The following AKAP6 variants were observed in gnomAD, a reference collection of about 807,000 sequenced individuals.
AKAP6 encodes the protein A-kinase anchor protein 6.
A neutral mutation model predicts 188.5 loss-of-function variants in AKAP6; 58 were observed. That is an observed-to-expected ratio of 0.31 (90% CI 0.25 to 0.38). AKAP6 has a LOEUF of 0.38. AKAP6 is among the 10% of genes least tolerant of loss of function. The probability of loss-of-function intolerance (pLI) is 1.00; values close to 1 mark genes in which losing one functional copy is unlikely to be tolerated. For missense variants in AKAP6, 2,710 were observed against 2,740.0 expected (o/e 0.99, Z 0.24); for synonymous variants, 989 against 998.6 (o/e 0.99, Z 0.18).
intron 9 of AKAP6, among the ~76,000 whole-genome samples, chr14:32,699,884 G>A (rs909293454): frequency 6.6e-6 from 1 of 152,202 alleles, no homozygotes; most frequent in Non-Finnish European, 1.5e-5. Context: ...TGAAAGTTCA[G>A]CTCCTATTTG....
chr14:32,506,086 T>C (rs149530626), intron 2 of AKAP6, among the ~76,000 whole-genome samples: 1,783 of 152,154 alleles, frequency 0.012, 41 homozygotes, highest in Admixed American at 0.048. Context: ...GAGGTTGCAG[T>C]GAGCCAAGAT....
chr14:32,586,264 C>G (rs1452226807), intron 5 of AKAP6, among the ~76,000 whole-genome samples: 1 of 152,058 alleles, frequency 6.6e-6, no homozygotes. Flanking sequence ...ACTCATGTTC[C>G]CATTGATTCT....
At chr14:32,555,792 A>G (rs927068905) in intron 4 of AKAP6, among the ~76,000 whole-genome samples, 3 of 152,162 alleles carry the variant, frequency 2.0e-5, no homozygotes, top group Non-Finnish European at 2.9e-5. Flanking sequence ...TTTAGGGCTG[A>G]ATAATATTCT....
chr14:32,553,704 A>G (rs1883578512), intron 4 of AKAP6, among the ~76,000 whole-genome samples: 2 of 152,204 alleles, frequency 1.3e-5, no homozygotes, highest in Non-Finnish European at 2.9e-5. Flanking sequence ...ATATTTTTAA[A>G]ACTGGGGAAT....
At chr14:32,683,016 C>A (rs1430851498) in intron 8 of AKAP6, among the ~76,000 whole-genome samples, 1 of 92,670 alleles carries the variant, frequency 1.1e-5, no homozygotes, top group African/African-American at 5.3e-5. Flanking sequence ...GTTTTTGAGA[C>A]AAAGCCTTGC....
At chr14:32,389,200 T>C (rs541945760) in intron 1 of AKAP6, among the ~76,000 whole-genome samples, 154 of 152,286 alleles carry the variant, frequency 1.0e-3, no homozygotes, top group Admixed American at 1.9e-3. Flanking sequence ...GAAATGTCTT[T>C]TTCCACCCCT....
chr14:32,688,915 T>C (rs1890046580), intron 8 of AKAP6, among the ~76,000 whole-genome samples: 1 of 152,180 alleles, frequency 6.6e-6, no homozygotes, highest in African/African-American at 2.4e-5. Flanking sequence ...AGGTTGTTGA[T>C]ATATTGCCTA....
At chr14:32,736,042 C>T (rs565823449) in intron 11 of AKAP6, among the ~76,000 whole-genome samples, 160 bp downstream of exon 11, 1 of 152,232 alleles carries the variant, frequency 6.6e-6, no homozygotes, top group Middle Eastern at 3.4e-3. Flanking sequence ...TTATATGTCT[C>T]TATGTGTATA....
chr14:32,710,459 G>A (rs1157301203), intron 9 of AKAP6, among the ~76,000 whole-genome samples: 2 of 152,058 alleles, frequency 1.3e-5, no homozygotes, highest in Admixed American at 6.6e-5. Flanking sequence ...TAAAAGAAGT[G>A]ATGGAGAAAA....
chr14:32,407,933 A>G (rs544102208), intron 1 of AKAP6, among the ~76,000 whole-genome samples: 2 of 152,336 alleles, frequency 1.3e-5, no homozygotes, highest in East Asian at 3.9e-4. Context: ...GGCACAGCAA[A>G]GAGTTTCCTT....
intron 11 of AKAP6, among the ~76,000 whole-genome samples, chr14:32,753,869 G>A (rs1955506): frequency 1 from 151,805 of 152,192 alleles, 75,711 homozygotes; most frequent in Middle Eastern, 1. Context: ...CTTCTGTTCA[G>A]TTGGACTACA....
intron 8 of AKAP6, among the ~76,000 whole-genome samples, chr14:32,692,598 C>T (rs958658943): frequency 3.9e-5 from 6 of 152,112 alleles, no homozygotes; most frequent in Non-Finnish European, 7.4e-5. Context: ...TGGTCTTTGG[C>T]GATGAGATAC....
intron 11 of AKAP6, among the ~76,000 whole-genome samples, chr14:32,760,259 A>G (rs1407050006): frequency 6.6e-6 from 1 of 152,252 alleles, no homozygotes; most frequent in Admixed American, 6.5e-5. Context: ...TGTGAGAGAT[A>G]TTCAAAATTG....
chr14:32,348,433 TTTA>T (rs1887147607), intron 1 of AKAP6, among the ~76,000 whole-genome samples: 3 of 147,682 alleles, frequency 2.0e-5, no homozygotes, highest in Non-Finnish European at 4.4e-5. Flanking sequence ...TTTTTTTTTT[TTTA>T]AGAGTTTTGC....
At chr14:32,644,936 G>C (rs959772488) in intron 7 of AKAP6, among the ~76,000 whole-genome samples, 2 of 151,870 alleles carry the variant, frequency 1.3e-5, no homozygotes, top group African/African-American at 4.8e-5. Flanking sequence ...CAGACTAACG[G>C]GTATATATAC....
chr14:32,704,127 A>T (rs1032283281), intron 9 of AKAP6, among the ~76,000 whole-genome samples: 1 of 152,162 alleles, frequency 6.6e-6, no homozygotes, highest in South Asian at 2.1e-4. Context: ...GCTTGGTTTC[A>T]GGGTAATAAG....
intron 4 of AKAP6, among the ~76,000 whole-genome samples, chr14:32,555,977 T>C (rs1163443613): frequency 1.3e-5 from 2 of 150,472 alleles, no homozygotes; most frequent in Non-Finnish European, 2.9e-5. Context: ...GATTGCTGGA[T>C]GTTTTTTTTT....
chr14:32,461,578 A>C (rs1395433337), intron 2 of AKAP6, among the ~76,000 whole-genome samples: 1 of 152,208 alleles, frequency 6.6e-6, no homozygotes, highest in African/African-American at 2.4e-5. Flanking sequence ...TCTAAAGGCC[A>C]TCAGCCTCAA....
chr14:32,599,869 G>C (rs1885853403), intron 6 of AKAP6, among the ~76,000 whole-genome samples: 1 of 152,142 alleles, frequency 6.6e-6, no homozygotes, highest in Non-Finnish European at 1.5e-5. Context: ...ATACGCATTA[G>C]GGTACTTATA....
Sources: gnomAD v4.1 joint callset for allele counts (sites outside exome capture counted in the v4.1 genomes callset) on GRCh38, gnomAD v4.1.1 for gene constraint, MANE v1.5 for transcripts, NCBI Gene and HGNC (gene_info 2026-07-23, HGNC 2026-07-21) for gene names.